SAMD4B: variants seen among roughly 807,000 people sequenced by gnomAD.
SAMD4B encodes protein Smaug homolog 2.
A neutral mutation model predicts 74.5 loss-of-function variants in SAMD4B; 5 were observed. The ratio of observed to expected loss-of-function variants is 0.07; its 90% confidence interval spans 0.04 to 0.14. The LOEUF (loss-of-function observed/expected upper bound fraction) is 0.14, where lower values mean the gene tolerates loss of function less well. Ranked by LOEUF, SAMD4B falls within the 10% of genes least tolerant of loss-of-function variation. The pLI, the probability that SAMD4B is intolerant of heterozygous loss-of-function variation, is 1.00. For synonymous variants in SAMD4B, 373 were observed against 374.9 expected (o/e 1.00, Z 0.06); for missense variants, 608 against 921.8 (o/e 0.66, Z 4.41).
intron 6 of SAMD4B, 52 bp from the exon 7 acceptor site, chr19:39,376,653 A>T (rs377043070): frequency 1.3e-6 from 2 of 1,599,742 alleles, no homozygotes; most frequent in African/African-American, 2.7e-5. Flanking sequence ...GTACCCCCAA[A>T]TATCTCAGCC....
chr19:39,372,785 C>T (rs939806675), intron 4 of SAMD4B, among the ~76,000 whole-genome samples: 7 of 151,774 alleles, frequency 4.6e-5, no homozygotes, highest in African/African-American at 1.7e-4. Flanking sequence ...AGAAGGAGGC[C>T]AGAGACACCA....
intron 1 of SAMD4B, among the ~76,000 whole-genome samples, chr19:39,343,071 C>T (rs2075421169): frequency 6.6e-6 from 1 of 151,820 alleles, no homozygotes; most frequent in South Asian, 2.1e-4. Context: ...TCGGAGGCCA[C>T]TCCTCGTCCA....
Position 39,383,996 on chromosome 19 carries a change from G to A in SAMD4B, c.*469G>A. 1 of 438,718 alleles carries A rather than the reference G, an allele frequency of 2.3e-6. No homozygotes were observed. Among genetic ancestry groups the A allele is most frequent in the Non-Finnish European group, 4.1e-6 (1 of 246,152 alleles). 27.2% of individuals were successfully genotyped at this position (438,718 alleles called of 1,614,324 possible). A position where few individuals can be genotyped will look rare whatever the true frequency, so the allele number is the denominator to read the frequency against. On this transcript the variant is annotated 3_prime_UTR_variant, in exon 14 of 14. Transcript: ENST00000610417. The surrounding 1 kb of genome is among the most constrained non-coding windows in gnomAD (Gnocchi z 4.1). ...TCCAGAATGTTATTGAGAGGAGCTG[G>A]GGAGAAGGAAGGGGAGCAAGGAGAG...
chr19:39,380,952 T>G, intron 11 of SAMD4B, 38 bp from the exon 12 acceptor site: 9 of 1,574,694 alleles, frequency 5.7e-6, no homozygotes, highest in Non-Finnish European at 7.8e-6. Context: ...GGGCCTCTTC[T>G]GCACTCACTA....
chr19:39,369,551 A>G, intron 3 of SAMD4B, 104 bp from the exon 4 acceptor site: 1 of 890,352 alleles, frequency 1.1e-6, no homozygotes, highest in South Asian at 1.7e-5. Context: ...AATCGTTATG[A>G]AAAGAAGATT....
Position 39,384,194 on chromosome 19 carries a change from C to T in SAMD4B, c.*667C>T, listed in dbSNP as rs1272673409. The T allele has an allele frequency of 6.4e-6, 1 of 156,582 alleles. No individual in the cohort carries two copies. Among genetic ancestry groups the T allele is most frequent in the African/African-American group, 2.4e-5 (1 of 41,576 alleles). The allele number at this position is 156,582 out of a possible 1,614,324, so 9.7% of individuals were successfully genotyped here. A position where few individuals can be genotyped will look rare whatever the true frequency, so the allele number is the denominator to read the frequency against. Reference sequence around the variant, plus strand: ...TTATATAGTTCTTAACGGTTTTTCTCTGATCATTTCCTCTCATTTTTAGAA... The same window carrying T: ...TTATATAGTTCTTAACGGTTTTTCTTTGATCATTTCCTCTCATTTTTAGAA... On this transcript the variant is annotated 3_prime_UTR_variant, in exon 14 of 14. Coordinates refer to ENST00000610417, the MANE Select transcript of SAMD4B (RefSeq NM_001384574.2).
chr19:39,389,707 C>G (rs2078331589), downstream of SAMD4B: 1 of 1,614,044 alleles, frequency 6.2e-7, no homozygotes, highest in Non-Finnish European at 8.5e-7. The surrounding 1 kb of genome is among the most constrained non-coding windows in gnomAD (Gnocchi z 5.3). Context: ...CTGGCTCAGT[C>G]AGGAGGTCAT....
chr19:39,349,088 C>G (rs1475526177), intron 1 of SAMD4B, among the ~76,000 whole-genome samples: 2 of 152,142 alleles, frequency 1.3e-5, no homozygotes, highest in Non-Finnish European at 2.9e-5. Context: ...ATATTTCCAA[C>G]CCGGCAGTCT....
chr19:39,346,479 A>T (rs532760027), intron 1 of SAMD4B, among the ~76,000 whole-genome samples: 3 of 152,230 alleles, frequency 2.0e-5, no homozygotes, highest in Admixed American at 1.3e-4. Context: ...AGTGACCTAC[A>T]GAGTAATAAT....
At chr19:39,389,857 GA>G (rs1335453442), downstream of SAMD4B, 3 of 1,517,448 alleles carry the variant, frequency 2.0e-6, no homozygotes, top group Non-Finnish European at 2.7e-6. This position sits in a 1 kb window ranked among gnomAD's most constrained non-coding sequence, Gnocchi z 5.3. Flanking sequence ...GAGGAACTCA[GA>G]ATGAAGTGTC....
intron 3 of SAMD4B, among the ~76,000 whole-genome samples, chr19:39,366,671 A>T (rs1281289158): frequency 6.6e-6 from 1 of 152,184 alleles, no homozygotes; most frequent in African/African-American, 2.4e-5. Context: ...ATTAAGAGAA[A>T]TAGGGCTACA....
intron 12 of SAMD4B, among the ~76,000 whole-genome samples, chr19:39,382,891 G>A (rs1303288518): frequency 6.6e-6 from 1 of 152,058 alleles, no homozygotes; most frequent in Admixed American, 6.5e-5. Flanking sequence ...TGCCCAGACT[G>A]TGCTCAAGAC....
downstream of SAMD4B, chr19:39,389,953 C>G: frequency 1.9e-6 from 2 of 1,059,516 alleles, no homozygotes; most frequent in Non-Finnish European, 2.9e-6. The surrounding 1 kb of genome is among the most constrained non-coding windows in gnomAD (Gnocchi z 5.3). Flanking sequence ...GCAGCTACTA[C>G]TATGTGCTAG....
In SAMD4B at chr19:39,369,695, G is replaced by A. The variant is rs1348476584; in HGVS notation, c.237G>A (p.Val79=). The A allele has an allele frequency of 1.9e-6, 3 of 1,614,048 alleles. No individual in the cohort carries two copies. Among genetic ancestry groups the A allele is most frequent in the East Asian group, 2.2e-5 (1 of 44,898 alleles). ...GGCAGCAGGAGTCCAAAGAGAAGGT[G>A]GTGTCCCTCCTGCTGTCCCACCTTC... ...SQWQQESKEK[V]VSLLLSHLPL... The change falls in exon 4 of 14, where the codon GTG becomes GTA. Residue 79 remains valine, a synonymous_variant. Transcript: ENST00000610417.
chr19:39,381,877 A>T (rs1299379807), intron 12 of SAMD4B, among the ~76,000 whole-genome samples: 1 of 152,170 alleles, frequency 6.6e-6, no homozygotes, highest in Non-Finnish European at 1.5e-5. Flanking sequence ...GGCTGTAGTG[A>T]GCAGAGATTG....
Position 39,383,445 on chromosome 19 carries a change from T to C in SAMD4B, c.2057-54T>C, listed in dbSNP as rs1203079212. 7.5e-6 allele frequency: 12 copies of C among 1,604,738 alleles called. No individual in the cohort carries two copies. In the African/African-American group the frequency reaches 1.5e-4, roughly 20 times the overall value. ...TGACAGGCTACCTGAGTGCCTTTTC[T>C]TGGGCCTCCCTCCAGCTCCTGATCT... is the stretch of plus-strand genomic sequence containing the variant. On this transcript the variant is annotated intron_variant, in intron 13 of 13. Transcript: ENST00000610417. The surrounding 1 kb of genome is among the most constrained non-coding windows in gnomAD (Gnocchi z 4.1).
downstream of SAMD4B, chr19:39,388,216 C>T (rs1417297947): frequency 3.3e-5 from 30 of 903,484 alleles, no homozygotes; most frequent in Non-Finnish European, 4.7e-5. Context: ...ACATCTGCTG[C>T]TCTTGTTTAC....
rs548414515 is a variant in SAMD4B, at chr19:39,385,051, G to A, written c.*1524G>A. 1 of 152,608 alleles carries A rather than the reference G, an allele frequency of 6.6e-6. No homozygotes were observed. Among genetic ancestry groups the A allele is most frequent in the East Asian group, 1.9e-4 (1 of 5,194 alleles). 9.5% of individuals were successfully genotyped at this position (152,608 alleles called of 1,614,324 possible). On this transcript the variant is annotated 3_prime_UTR_variant, in exon 14 of 14. Transcript: ENST00000610417. ...GAGGGGGAAGAAGCCAGGGGGTAGG[G>A]TGGCCCTGGGAACCTGGCTCTGGGT... is the stretch of plus-strand genomic sequence containing the variant.
chr19:39,355,007 G>A (rs1002003911), intron 2 of SAMD4B, among the ~76,000 whole-genome samples: 21 of 152,102 alleles, frequency 1.4e-4, no homozygotes, highest in African/African-American at 5.1e-4. Flanking sequence ...CAAGTCACTG[G>A]GATTACAGGC....
Sources: allele counts gnomAD v4.1 joint callset (sites outside exome capture counted in the v4.1 genomes callset), GRCh38; gene constraint gnomAD v4.1.1; non-coding constraint Gnocchi (gnomAD v3.1); transcripts MANE v1.5; gene names NCBI Gene and HGNC (gene_info 2026-07-23, HGNC 2026-07-21).